The following DIAPH3 variants were observed in gnomAD, a reference collection of about 807,000 sequenced individuals.
DIAPH3 encodes the protein diaphanous related formin 3.
Under a neutral mutation model 144.3 loss-of-function variants are expected in DIAPH3, and 117 were observed. The ratio of observed to expected loss-of-function variants is 0.81; its 90% CI spans 0.70 to 0.95. The LOEUF (loss-of-function observed/expected upper bound fraction) is 0.95, where lower values mean the gene tolerates loss of function less well. DIAPH3 is among the 40% of genes least tolerant of loss of function. The pLI, the probability that DIAPH3 is intolerant of heterozygous loss-of-function variation, is 0.00. For missense variants in DIAPH3, 1,421 were observed against 1,412.7 expected (o/e 1.01, Z -0.09); for synonymous variants, 519 against 488.9 (o/e 1.06, Z -0.81).
chr13:59,707,420 A>G (rs1035719533), intron 27 of DIAPH3, among the ~76,000 whole-genome samples: 1 of 152,172 alleles, frequency 6.6e-6, no homozygotes, highest in Non-Finnish European at 1.5e-5. Flanking sequence ...AATAAAATGG[A>G]CTTTCTCACA....
Position 60,009,117 on chromosome 13 carries a change from T to C in DIAPH3, c.909-468A>G, listed in dbSNP as rs1200851953. Among the ~76,000 whole-genome samples the C allele has an allele frequency of 2.6e-5, 4 of 152,316 alleles. No homozygotes were observed. The East Asian group carries it at 7.7e-4, about 29-fold the overall frequency. ...AATGCTCTCAACCACTGCACTCTTA[T>C]GCCTCACAAGTTTAAGTAAATGAAG... On this transcript the variant is annotated intron_variant, in intron 8 of 27. Transcript: ENST00000400324.
At chr13:59,693,933 C>T (rs1408946553) in intron 27 of DIAPH3, among the ~76,000 whole-genome samples, 2 of 151,988 alleles carry the variant, frequency 1.3e-5, no homozygotes, top group Non-Finnish European at 2.9e-5. Flanking sequence ...CTTCTAAATT[C>T]AACATAAAGA....
chr13:59,790,624 A>T (rs1176187551), intron 25 of DIAPH3, among the ~76,000 whole-genome samples: 1 of 152,164 alleles, frequency 6.6e-6, no homozygotes, highest in African/African-American at 2.4e-5. Flanking sequence ...AGGAAATTTT[A>T]AAATCCTATT....
At chr13:59,901,648 G>C (rs1165477667) in intron 20 of DIAPH3, among the ~76,000 whole-genome samples, 1 of 152,178 alleles carries the variant, frequency 6.6e-6, no homozygotes, top group African/African-American at 2.4e-5. Flanking sequence ...AGAGTCTGCA[G>C]CAATACCTAG....
At chr13:59,735,411 T>C (rs1056451639) in intron 27 of DIAPH3, among the ~76,000 whole-genome samples, 3 of 152,180 alleles carry the variant, frequency 2.0e-5, no homozygotes, top group Non-Finnish European at 4.4e-5. Context: ...CAATCTTCAA[T>C]GGCAAAAAAT....
At chr13:59,727,853 G>A (rs889623613) in intron 27 of DIAPH3, among the ~76,000 whole-genome samples, 6 of 152,008 alleles carry the variant, frequency 3.9e-5, no homozygotes, top group African/African-American at 7.3e-5. Flanking sequence ...CCTAATACCC[G>A]TATTTTGGTC....
intron 27 of DIAPH3, among the ~76,000 whole-genome samples, chr13:59,753,768 A>G (rs537552149): frequency 6.6e-6 from 1 of 152,202 alleles, no homozygotes; most frequent in Non-Finnish European, 1.5e-5. Flanking sequence ...ATATATTAAG[A>G]TCAAACAAAA....
chr13:59,702,295 C>A (rs2034154508), intron 27 of DIAPH3, among the ~76,000 whole-genome samples: 4 of 152,094 alleles, frequency 2.6e-5, no homozygotes, highest in Admixed American at 2.0e-4. Context: ...AAGACTGAGC[C>A]ACTTGTCATA....
chr13:59,891,987 G>A (rs917296376), intron 20 of DIAPH3, among the ~76,000 whole-genome samples: 2 of 151,604 alleles, frequency 1.3e-5, no homozygotes, highest in African/African-American at 4.8e-5. Context: ...ACTGATTTAG[G>A]ACCTGAAGAT....
At chr13:59,901,421 T>C (rs2046423756) in intron 20 of DIAPH3, among the ~76,000 whole-genome samples, 1 of 152,170 alleles carries the variant, frequency 6.6e-6, no homozygotes. Context: ...TCCACACCTC[T>C]AACTAAAGTC....
chr13:60,032,537 T>G (rs1470608118), intron 5 of DIAPH3, among the ~76,000 whole-genome samples: 2 of 152,194 alleles, frequency 1.3e-5, no homozygotes, highest in Non-Finnish European at 2.9e-5. Flanking sequence ...TCTGGAGCTG[T>G]GGCCCAAGCT....
intron 9 of DIAPH3, among the ~76,000 whole-genome samples, chr13:60,004,110 T>C (rs1386502585): frequency 6.6e-6 from 1 of 152,226 alleles, no homozygotes; most frequent in African/African-American, 2.4e-5. Flanking sequence ...ATGAAGAATG[T>C]GTTTATTTTG....
intron 21 of DIAPH3, among the ~76,000 whole-genome samples, chr13:59,868,769 G>T (rs1429198529): frequency 6.6e-6 from 1 of 151,934 alleles, no homozygotes; most frequent in Non-Finnish European, 1.5e-5. Context: ...ATGTTTTATT[G>T]TCTCTAGACT....
intron 1 of DIAPH3, among the ~76,000 whole-genome samples, chr13:60,137,403 A>G (rs1003637347): frequency 6.6e-6 from 1 of 152,214 alleles, no homozygotes; most frequent in African/African-American, 2.4e-5. Context: ...AGGCATGTGA[A>G]ATAGTTTCCC....
intron 1 of DIAPH3, among the ~76,000 whole-genome samples, chr13:60,140,633 T>C (rs2138305218): frequency 6.6e-6 from 1 of 152,240 alleles, no homozygotes; most frequent in African/African-American, 2.4e-5. Context: ...ATCTGGATTA[T>C]GGGATTTGTG....
intron 27 of DIAPH3, among the ~76,000 whole-genome samples, chr13:59,686,521 A>G (rs1284734209): frequency 6.6e-5 from 10 of 151,804 alleles, no homozygotes; most frequent in Admixed American, 6.6e-4. Flanking sequence ...GGAAAAAAAA[A>G]AAAGTACTGC....
intron 27 of DIAPH3, among the ~76,000 whole-genome samples, chr13:59,710,789 C>T (rs1307112239): frequency 6.6e-6 from 1 of 152,170 alleles, no homozygotes; most frequent in African/African-American, 2.4e-5. Context: ...TTTACTACCT[C>T]CTTTTTCAGA....
chr13:59,913,082 AT>A (rs1430085455), intron 19 of DIAPH3, among the ~76,000 whole-genome samples: 2 of 152,128 alleles, frequency 1.3e-5, no homozygotes, highest in Non-Finnish European at 2.9e-5. Flanking sequence ...GATTATTTAT[AT>A]TTTTACCCAT....
intron 5 of DIAPH3, among the ~76,000 whole-genome samples, chr13:60,017,295 C>T (rs371586893): frequency 4.0e-5 from 6 of 151,340 alleles, no homozygotes; most frequent in African/African-American, 1.2e-4. Context: ...CCCAGCTACT[C>T]GGAGAGGCTA....
Sources: allele counts gnomAD v4.1 joint callset (sites outside exome capture counted in the v4.1 genomes callset), GRCh38; gene constraint gnomAD v4.1.1; transcripts MANE v1.5; gene names NCBI Gene and HGNC (gene_info 2026-07-23, HGNC 2026-07-21).